The following AGBL1 variants were observed in gnomAD, a reference collection of about 807,000 sequenced individuals.
AGBL1 encodes the protein AGBL carboxypeptidase 1.
AGBL1 carries 130 observed loss-of-function variants against 118.9 expected under a neutral mutation model. That is an observed-to-expected ratio of 1.09 (90% CI 0.95 to 1.26). AGBL1 has a LOEUF of 1.26. Ranked by LOEUF, AGBL1 falls within the 50% of genes most tolerant of loss-of-function variation. The pLI, the probability that AGBL1 is intolerant of heterozygous loss-of-function variation, is 0.00. For synonymous variants in AGBL1, 555 were observed against 478.9 expected (o/e 1.16, Z -2.08); for missense variants, 1,584 against 1,298.1 (o/e 1.22, Z -3.38).
At chr15:86,593,812 A>G (rs1432827042) in intron 21 of AGBL1, among the ~76,000 whole-genome samples, 2 of 152,164 alleles carry the variant, frequency 1.3e-5, no homozygotes, top group Non-Finnish European at 2.9e-5. Flanking sequence ...ACTGCAGATT[A>G]TATTTTTCAT....
chr15:87,019,882 TAAA>T (rs2081644738), intron 24 of AGBL1, among the ~76,000 whole-genome samples: 1 of 151,708 alleles, frequency 6.6e-6, no homozygotes, highest in Non-Finnish European at 1.5e-5. Context: ...GTTAGACTAA[TAAA>T]GAAGAAAGAA....
At chr15:86,671,976 A>G (rs2085753815) in intron 21 of AGBL1, among the ~76,000 whole-genome samples, 2 of 152,200 alleles carry the variant, frequency 1.3e-5, no homozygotes, top group Non-Finnish European at 1.5e-5. Flanking sequence ...GGTCATCTAC[A>G]TAAACAAATA....
chr15:86,440,724 A>G (rs1331865326), intron 18 of AGBL1, among the ~76,000 whole-genome samples: 1 of 152,134 alleles, frequency 6.6e-6, no homozygotes, highest in Non-Finnish European at 1.5e-5. Context: ...TGCCTTTGAC[A>G]TGGTCTCCTG....
Position 86,953,683 on chromosome 15 carries a change from G to A in AGBL1, c.3222-34304G>A, listed in dbSNP as rs368869486. Among the ~76,000 whole-genome samples, 4 of 152,176 alleles carry A rather than the reference G, an allele frequency of 2.6e-5. No individual in the cohort carries two copies. The East Asian group carries it at 7.8e-4, about 29-fold the overall frequency. ...TGGGATTACAGGTGTGAGCCACTGTGGCTGGACAAGGGTTGTGTTCTTGAT... is the reference window on the plus strand; with the variant it reads ...TGGGATTACAGGTGTGAGCCACTGTAGCTGGACAAGGGTTGTGTTCTTGAT... On this transcript the variant is annotated intron_variant, in intron 23 of 24. Coordinates refer to the AGBL1 transcript ENST00000441037.
At chr15:86,269,854 T>G (rs2079129871) in intron 13 of AGBL1, 65 bp from the exon 14 acceptor site, 1 of 1,550,896 alleles carries the variant, frequency 6.4e-7, no homozygotes, top group Admixed American at 1.8e-5. Flanking sequence ...GTGTAGATTC[T>G]TAGTGTCTGA....
At position 86,615,506 on chromosome 15, in the gene AGBL1, A is replaced by G. The variant is rs2084708525; in HGVS notation, c.2995-58767A>G. ...AATTGCAGGAACAGATGTAGAGGAAATGAAAAATATTCCTTGTGCTATGCT... is the reference window on the plus strand; with the variant it reads ...AATTGCAGGAACAGATGTAGAGGAAGTGAAAAATATTCCTTGTGCTATGCT... On this transcript the variant is annotated intron_variant, in intron 21 of 22. Transcript: ENST00000614907. This position sits in a 1 kb window ranked among gnomAD's most constrained non-coding sequence, Gnocchi z 4.3. 6.6e-6 allele frequency among the ~76,000 whole-genome samples: 1 copy of G among 152,228 alleles called. No individual in the cohort carries two copies. Among genetic ancestry groups the G allele is most frequent in the African/African-American group, 2.4e-5 (1 of 41,450 alleles).
Position 86,227,390 on chromosome 15 carries a change from C to T in AGBL1, c.526+2439C>T, listed in dbSNP as rs2078383290. Among the ~76,000 whole-genome samples, 3 of 152,222 alleles carry T rather than the reference C, an allele frequency of 2.0e-5. No individual in the cohort carries two copies. In the South Asian group the frequency reaches 6.2e-4, roughly 31 times the overall value. On this transcript the variant is annotated intron_variant, in intron 6 of 22. Transcript: ENST00000614907. ...ATTCTTTCTAACACTAAATACTCAG[C>T]CTTAATGTGTATCAGGGTTTCTCAA...
intron 1 of AGBL1, among the ~76,000 whole-genome samples, chr15:86,113,209 T>G (rs1897505236): frequency 7.3e-6 from 1 of 136,290 alleles, no homozygotes; most frequent in African/African-American, 2.8e-5. Context: ...TTTTTTCTTT[T>G]TCTTTTTCTT....
downstream of AGBL1, among the ~76,000 whole-genome samples, chr15:86,917,659 C>T (rs745447290): frequency 1.6e-4 from 24 of 151,986 alleles, no homozygotes; most frequent in African/African-American, 4.6e-4. This position sits in a 1 kb window ranked among gnomAD's most constrained non-coding sequence, Gnocchi z 4.8. Context: ...TTTAGTGAGG[C>T]GGTTTCTTGA....
intron 22 of AGBL1, among the ~76,000 whole-genome samples, chr15:86,860,805 G>A: frequency 6.6e-6 from 1 of 152,054 alleles, no homozygotes; most frequent in East Asian, 1.9e-4. Context: ...TGTTAACAGA[G>A]CCACCACCTA....
At chr15:86,549,988 T>C (rs2083642884) in intron 20 of AGBL1, among the ~76,000 whole-genome samples, 1 of 151,928 alleles carries the variant, frequency 6.6e-6, no homozygotes, top group African/African-American at 2.4e-5. Flanking sequence ...TGTCAGCAGA[T>C]TTGAGATGGC....
At chr15:86,546,484 T>C (rs2142253971) in intron 20 of AGBL1, among the ~76,000 whole-genome samples, 1 of 152,254 alleles carries the variant, frequency 6.6e-6, no homozygotes, top group Non-Finnish European at 1.5e-5. Flanking sequence ...ATTACCTCTC[T>C]GAACCACCCT....
At chr15:86,286,466 C>T (rs967739721) in intron 16 of AGBL1, among the ~76,000 whole-genome samples, 2 of 152,018 alleles carry the variant, frequency 1.3e-5, no homozygotes, top group Admixed American at 6.6e-5. Flanking sequence ...ATTCCTCCCC[C>T]TTGTTCCCGC....
chr15:86,602,572 G>A (rs1300482940), intron 21 of AGBL1, among the ~76,000 whole-genome samples: 1 of 152,206 alleles, frequency 6.6e-6, no homozygotes, highest in East Asian at 1.9e-4. Context: ...CCTTGCATAC[G>A]AAAAGATTTG....
At chr15:86,867,651 C>T (rs1269630931) in intron 22 of AGBL1, among the ~76,000 whole-genome samples, 1 of 152,024 alleles carries the variant, frequency 6.6e-6, no homozygotes, top group African/African-American at 2.4e-5. Context: ...TGCACCCGGA[C>T]TAGGTGGGGC....
chr15:86,622,079 G>A (rs953830404), intron 21 of AGBL1, among the ~76,000 whole-genome samples: 2 of 152,086 alleles, frequency 1.3e-5, no homozygotes, highest in African/African-American at 4.8e-5. Flanking sequence ...TGTAATACTC[G>A]CAATTTGGGA....
chr15:86,801,439 T>A (rs1327911825), intron 22 of AGBL1, among the ~76,000 whole-genome samples: 2 of 152,016 alleles, frequency 1.3e-5, no homozygotes, highest in African/African-American at 4.8e-5. Context: ...TGCTTCATGA[T>A]GAGAGACTTC....
intron 22 of AGBL1, among the ~76,000 whole-genome samples, chr15:86,679,463 T>A (rs767004397): frequency 6.6e-6 from 1 of 152,106 alleles, no homozygotes; most frequent in African/African-American, 2.4e-5. Flanking sequence ...TAGTTATACC[T>A]AAAAGTATTT....
intron 22 of AGBL1, among the ~76,000 whole-genome samples, chr15:86,696,129 G>A (rs1305834501): frequency 6.6e-6 from 1 of 151,880 alleles, no homozygotes; most frequent in Non-Finnish European, 1.5e-5. Context: ...TAAATCTGTT[G>A]TTTCTTTGTT....
Sources: allele counts gnomAD v4.1 joint callset (sites outside exome capture counted in the v4.1 genomes callset), GRCh38; gene constraint gnomAD v4.1.1; non-coding constraint Gnocchi (gnomAD v3.1); transcripts MANE v1.5; gene names NCBI Gene and HGNC (gene_info 2026-07-23, HGNC 2026-07-21).